Variants in SENP8 observed in about 807,000 individuals in gnomAD.
SENP8 encodes the protein sentrin-specific protease 8.
Under a neutral mutation model 14.4 loss-of-function variants are expected in SENP8, and 10 were observed. The observed-to-expected ratio is 0.69, with a 90% CI of 0.43 to 1.18. The LOEUF (loss-of-function observed/expected upper bound fraction) is 1.18, where lower values mean the gene tolerates loss of function less well. SENP8 is among the 50% of genes most tolerant of loss of function. The pLI, the probability that SENP8 is intolerant of heterozygous loss-of-function variation, is 0.00. For missense variants in SENP8, 202 were observed against 249.4 expected, an observed-to-expected ratio of 0.81 and a Z score of 1.28; for synonymous variants, 94 against 95.5, an observed-to-expected ratio of 0.98 and a Z score of 0.09.
At chr15:72,118,377 A>C (rs1485829120), upstream of SENP8, 1 of 164,114 alleles carries the variant, frequency 6.1e-6, no homozygotes, top group African/African-American at 2.4e-5. Context: ...GTTGGGGACG[A>C]AACCTCTGAG....
At chr15:72,117,523 G>C (rs1596629827), upstream of SENP8, among the ~76,000 whole-genome samples, 1 of 152,322 alleles carries the variant, frequency 6.6e-6, no homozygotes, top group Non-Finnish European at 1.5e-5. Context: ...CTGGGGATCC[G>C]GGGCCGTGAT....
intron 1 of SENP8, among the ~76,000 whole-genome samples, chr15:72,137,377 C>T (rs1410608548): frequency 2.0e-5 from 3 of 152,116 alleles, no homozygotes; most frequent in African/African-American, 7.2e-5. Context: ...AAAACTAGGA[C>T]TAGACCCAGG....
At chr15:72,124,326 A>G (rs556692968) in intron 1 of SENP8, among the ~76,000 whole-genome samples, 1 of 152,322 alleles carries the variant, frequency 6.6e-6, no homozygotes, top group South Asian at 2.1e-4. Flanking sequence ...CAAGAGGGTT[A>G]TATAATAAAT....
intron 1 of SENP8, 34 bp from the exon 2 acceptor site, chr15:72,139,543 T>G: frequency 6.6e-7 from 1 of 1,519,122 alleles, no homozygotes. Context: ...CATTTTACAG[T>G]CAGGTATTTA....
At chr15:72,132,295 C>T (rs2081280377) in intron 1 of SENP8, among the ~76,000 whole-genome samples, 1 of 152,110 alleles carries the variant, frequency 6.6e-6, no homozygotes, top group South Asian at 2.1e-4. Context: ...CCTTTTAACT[C>T]TAAACGAATT....
upstream of SENP8, chr15:72,117,642 C>T (rs1188217990): frequency 5.6e-5 from 22 of 395,336 alleles, no homozygotes; most frequent in Non-Finnish European, 8.5e-5. Flanking sequence ...TGGGCCAGGA[C>T]GGGCTGCAGG....
chr15:72,115,779 C>T (rs2080949090), upstream of SENP8, among the ~76,000 whole-genome samples: 1 of 152,150 alleles, frequency 6.6e-6, no homozygotes, highest in Non-Finnish European at 1.5e-5. Flanking sequence ...TAGTTACATC[C>T]TTTCTGTAGG....
upstream of SENP8, among the ~76,000 whole-genome samples, chr15:72,115,996 G>A (rs2080958896): frequency 6.6e-6 from 1 of 152,156 alleles, no homozygotes. Context: ...ATGACCTCTA[G>A]GATGTAGTAT....
At chr15:72,120,084 A>G (rs1368481264) in intron 1 of SENP8, among the ~76,000 whole-genome samples, 1 of 152,238 alleles carries the variant, frequency 6.6e-6, no homozygotes. Flanking sequence ...AAGCCAATTT[A>G]TGAGATGCAA....
Position 72,140,291 on chromosome 15 carries a change from G to T in SENP8, c.*29G>T, listed in dbSNP as rs777617003. 5.2e-6 allele frequency: 8 copies of T among 1,528,696 alleles called. No homozygotes were observed. The South Asian group carries it at 9.2e-5, about 17-fold the overall frequency. The allele number at this position is 1,528,696 out of a possible 1,614,324, so 94.7% of individuals were successfully genotyped here. On this transcript the variant is annotated 3_prime_UTR_variant, in exon 2 of 2. Coordinates refer to ENST00000340912, the MANE Select transcript of SENP8 (RefSeq NM_145204.4). ...TTGAAGTATATTTGCGACTTTTGAA[G>T]GCTCCTCTTTCTGCCCTTCCCCATT... is the stretch of plus-strand genomic sequence containing the variant.
intron 1 of SENP8, among the ~76,000 whole-genome samples, chr15:72,133,908 T>C (rs561906836): frequency 6.6e-6 from 1 of 152,152 alleles, no homozygotes; most frequent in Non-Finnish European, 1.5e-5. Flanking sequence ...GATGCCATAA[T>C]AGATACCTAG....
At chr15:72,120,313 G>T (rs563708031) in intron 1 of SENP8, among the ~76,000 whole-genome samples, 159 of 152,330 alleles carry the variant, frequency 1.0e-3, no homozygotes, top group African/African-American at 3.8e-3. Context: ...CCAAGACAGT[G>T]TATGGCTGCT....
At chr15:72,114,991 G>A (rs1245916370), upstream of SENP8, among the ~76,000 whole-genome samples, 1 of 151,914 alleles carries the variant, frequency 6.6e-6, no homozygotes, top group Admixed American at 6.6e-5. Context: ...AGTTTATATC[G>A]CTAACTTCTA....
chr15:72,122,043 A>G (rs1430217091), intron 1 of SENP8, among the ~76,000 whole-genome samples: 1 of 152,070 alleles, frequency 6.6e-6, no homozygotes, highest in Non-Finnish European at 1.5e-5. Flanking sequence ...ACCTGTCTAT[A>G]CCTGTGAGTC....
chr15:72,119,042 AAAAT>A (rs2081113285), intron 1 of SENP8, among the ~76,000 whole-genome samples: 2 of 152,332 alleles, frequency 1.3e-5, no homozygotes, highest in South Asian at 2.1e-4. Flanking sequence ...AAAAAGAAGT[AAAAT>A]AAACCTGATG....
intron 1 of SENP8, among the ~76,000 whole-genome samples, chr15:72,120,563 A>T (rs2081158574): frequency 6.6e-6 from 1 of 152,178 alleles, no homozygotes; most frequent in African/African-American, 2.4e-5. Context: ...TACCCAGTGG[A>T]CCTTGTTGGC....
chr15:72,126,193 C>T (rs1055302332), intron 1 of SENP8, among the ~76,000 whole-genome samples: 11 of 152,102 alleles, frequency 7.2e-5, no homozygotes, highest in African/African-American at 2.7e-4. Context: ...GTCCAGTATA[C>T]TAGCACTAGC....
chr15:72,139,031 A>C (rs1466345029), intron 1 of SENP8, among the ~76,000 whole-genome samples: 3 of 151,978 alleles, frequency 2.0e-5, no homozygotes, highest in African/African-American at 7.2e-5. Flanking sequence ...ATAGCCAATT[A>C]ATACATGTTT....
rs555924017 is a variant in SENP8 at position 72,141,205 on chromosome 15, A to G, written c.*943A>G. On this transcript the variant is annotated 3_prime_UTR_variant, in exon 2 of 2. Coordinates refer to ENST00000340912, the MANE Select transcript of SENP8 (RefSeq NM_145204.4). Reference sequence around the variant, plus strand: ...TGGCAGAATTGTTTTTAGTTATGTCATGGTAATTTCAGGATGATTTTTGTA... The same window carrying G: ...TGGCAGAATTGTTTTTAGTTATGTCGTGGTAATTTCAGGATGATTTTTGTA... 6.6e-5 allele frequency: 10 copies of G among 152,296 alleles called. No homozygotes were observed. Among genetic ancestry groups the G allele is most frequent in the African/African-American group, 2.2e-4 (9 of 41,548 alleles). 9.4% of individuals were successfully genotyped at this position (152,296 alleles called of 1,614,324 possible). A position where few individuals can be genotyped will look rare whatever the true frequency, so the allele number is the denominator to read the frequency against.
Sources: allele counts gnomAD v4.1 joint callset (sites outside exome capture counted in the v4.1 genomes callset), GRCh38; gene constraint gnomAD v4.1.1; transcripts MANE v1.5; gene names NCBI Gene and HGNC (gene_info 2026-07-23, HGNC 2026-07-21).